The following PKHD1 variants were observed in gnomAD, a reference collection of about 807,000 sequenced individuals.
PKHD1 encodes fibrocystin.
In PKHD1, 291 loss-of-function variants were observed where a neutral mutation model predicts 412.0. That is an observed-to-expected ratio of 0.71 (90% CI 0.64 to 0.78). The LOEUF is 0.78. Ranked by LOEUF, PKHD1 falls within the 30% of genes least tolerant of loss-of-function variation. The probability of loss-of-function intolerance (pLI) is 0.00; values close to 1 mark genes in which losing one functional copy is unlikely to be tolerated. For missense variants in PKHD1, 4,825 were observed against 4,950.7 expected (o/e 0.97, Z 0.76); for synonymous variants, 1,777 against 1,821.5 (o/e 0.98, Z 0.62).
chr6:51,982,182 A>AGGCGGGG (rs2077457773), intron 35 of PKHD1, among the ~76,000 whole-genome samples: 1 of 27,160 alleles, frequency 3.7e-5, no homozygotes, highest in African/African-American at 1.3e-4. Context: ...TCCGGGAGGG[A>AGGCGGGG]GGTGGGGGGG....
intron 31 of PKHD1, among the ~76,000 whole-genome samples, chr6:52,027,259 C>T (rs1026393768): frequency 2.0e-5 from 3 of 149,408 alleles, no homozygotes; most frequent in South Asian, 2.1e-4. Context: ...CGGCTGGGCA[C>T]GGTGGCTCAT....
intron 60 of PKHD1, among the ~76,000 whole-genome samples, chr6:51,732,504 C>CA (rs1783350552): frequency 6.6e-6 from 1 of 152,042 alleles, no homozygotes; most frequent in Non-Finnish European, 1.5e-5. Flanking sequence ...GACATTTCTC[C>CA]AAAAAAGATA....
At chr6:52,070,890 T>C in intron 9 of PKHD1, 116 bp downstream of exon 9, 2 of 732,238 alleles carry the variant, frequency 2.7e-6, no homozygotes, top group Admixed American at 2.0e-5. Context: ...TCTTAACAAA[T>C]AGTAATTATT....
chr6:51,692,307 ATTTGGTG>A (rs1324661672), intron 60 of PKHD1, among the ~76,000 whole-genome samples: 2 of 146,390 alleles, frequency 1.4e-5, no homozygotes, highest in African/African-American at 5.0e-5. Flanking sequence ...GTTCTGTGTC[ATTTGGTG>A]CTATCACAAA....
rs142337340 is a variant in PKHD1, at chr6:51,726,538, C to T, written c.10156+17847G>A. 7.1e-3 allele frequency among the ~76,000 whole-genome samples: 1,085 copies of T among 152,256 alleles called. 6 individuals carry two copies. Among genetic ancestry groups the T allele is most frequent in the Non-Finnish European group, 0.011 (742 of 68,026 alleles). ...TACCCCACATGAACTGACCTCTGTT[C>T]CCTCTAAGTTCCCATTACCGCTTCA... On this transcript the variant is annotated intron_variant, in intron 60 of 66. Transcript: ENST00000371117.
chr6:52,027,833 C>T lies in PKHD1; in HGVS notation c.3624G>A (p.Leu1208=). Residue 1208 remains leucine (L), a synonymous_variant, in exon 31 of 67, where the codon CTG becomes CTA. Coordinates refer to ENST00000371117, the MANE Select transcript of PKHD1 (RefSeq NM_138694.4). ...VFSIEPCCGS[L]LGGTILSISG... ...AGTCACATAAGAGCCACTCACCCAGCAGGGACCCACAGCAAGGCTCGATGC... is the reference window on the plus strand; with the variant it reads ...AGTCACATAAGAGCCACTCACCCAGTAGGGACCCACAGCAAGGCTCGATGC... 1 of 1,608,926 alleles carries T rather than the reference C, an allele frequency of 6.2e-7. No homozygotes were observed. The highest frequency in any genetic ancestry group is 8.5e-7 in the Non-Finnish European group (1 of 1,175,310).
intron 13 of PKHD1, among the ~76,000 whole-genome samples, chr6:52,064,293 T>C (rs915423836): frequency 2.6e-5 from 4 of 152,228 alleles, no homozygotes; most frequent in Non-Finnish European, 5.9e-5. Context: ...CTGACTACAC[T>C]TGAGCCTTCA....
intron 36 of PKHD1, among the ~76,000 whole-genome samples, chr6:51,945,229 G>A (rs1789273513): frequency 6.6e-6 from 1 of 152,172 alleles, no homozygotes; most frequent in African/African-American, 2.4e-5. Flanking sequence ...TGTATGACAG[G>A]ACTGCCGCAT....
intron 13 of PKHD1, among the ~76,000 whole-genome samples, chr6:52,064,713 C>T (rs1809238943): frequency 6.6e-6 from 1 of 151,746 alleles, no homozygotes; most frequent in African/African-American, 2.4e-5. Context: ...ACCATGGTCT[C>T]TTCTGGACGC....
intron 37 of PKHD1, among the ~76,000 whole-genome samples, chr6:51,927,716 G>A (rs1025971640): frequency 3.9e-5 from 6 of 152,192 alleles, no homozygotes; most frequent in Admixed American, 3.9e-4. Flanking sequence ...GCTTATCTAA[G>A]CAGGGGAAAC....
chr6:51,807,156 G>A (rs2151370352), intron 52 of PKHD1, among the ~76,000 whole-genome samples: 1 of 151,808 alleles, frequency 6.6e-6, no homozygotes, highest in Non-Finnish European at 1.5e-5. Flanking sequence ...GGCCAGGCAT[G>A]GTGACTCATG....
At chr6:51,733,086 G>A in intron 60 of PKHD1, among the ~76,000 whole-genome samples, 1 of 152,206 alleles carries the variant, frequency 6.6e-6, no homozygotes. Flanking sequence ...AGAGTGGAAT[G>A]TTGGTTTTCA....
rs10671492 is a variant in PKHD1, at chr6:51,976,944, T to TAAAAAAAAA, written c.5752-16927_5752-16919dup. Among the ~76,000 whole-genome samples the TAAAAAAAAA allele has an allele frequency of 4.4e-4, 41 of 93,510 alleles. 1 individual carries two copies. Among genetic ancestry groups the TAAAAAAAAA allele is most frequent in the Non-Finnish European group, 5.5e-4 (28 of 51,034 alleles). The allele number at this position is 93,510 out of a possible 152,430, so 61.3% of individuals were successfully genotyped here. On this transcript the variant is annotated intron_variant, in intron 35 of 66. Coordinates refer to ENST00000371117, the MANE Select transcript of PKHD1 (RefSeq NM_138694.4). ...GCCTGGGTGATAGAGTGAGACTCCATAAAAAAAAAAAAAAAAAAAACCTGA... is the reference window on the plus strand; with the variant it reads ...GCCTGGGTGATAGAGTGAGACTCCATAAAAAAAAAAAAAAAAAAAAAAAAAAAAACCTGA...
chr6:51,844,766 C>T (rs947592881), intron 50 of PKHD1, among the ~76,000 whole-genome samples: 9 of 152,066 alleles, frequency 5.9e-5, no homozygotes, highest in African/African-American at 2.2e-4. Context: ...AAAATTCAGC[C>T]AGTTGTCAGT....
intron 52 of PKHD1, among the ~76,000 whole-genome samples, chr6:51,810,599 T>G (rs1457774616): frequency 6.6e-6 from 1 of 152,170 alleles, no homozygotes; most frequent in Non-Finnish European, 1.5e-5. Flanking sequence ...TCTGCCCCAC[T>G]GCCCTAGAAA....
chr6:51,744,659 A>C (rs1784971635), intron 59 of PKHD1, 117 bp from the exon 60 acceptor site: 4 of 765,774 alleles, frequency 5.2e-6, no homozygotes, highest in African/African-American at 3.5e-5. Flanking sequence ...ATTATTGACA[A>C]TGTGTTACAT....
At position 51,998,186 on chromosome 6, in the gene PKHD1, G is replaced by A. The variant is rs139850358; in HGVS notation, c.5751+12123C>T. The stretch of plus-strand genomic sequence containing the variant: ...CAACTGTCCCCCATATGTTGAGGAC[G>A]TATGTTCAGCCCACACTCTGGGCTA... On this transcript the variant is annotated intron_variant, in intron 35 of 66. Transcript: ENST00000371117. 1.1e-3 allele frequency among the ~76,000 whole-genome samples: 171 copies of A among 151,914 alleles called. 1 individual carries two copies. Among genetic ancestry groups the A allele is most frequent in the South Asian group, 4.2e-4 (2 of 4,802 alleles).
intron 60 of PKHD1, among the ~76,000 whole-genome samples, chr6:51,698,457 G>C (rs1032124421): frequency 6.6e-6 from 1 of 152,032 alleles, no homozygotes; most frequent in Non-Finnish European, 1.5e-5. Flanking sequence ...TGAAACACTG[G>C]TCTAATGCTT....
intron 52 of PKHD1, among the ~76,000 whole-genome samples, chr6:51,801,445 G>C (rs1303772569): frequency 6.6e-6 from 1 of 152,114 alleles, no homozygotes; most frequent in Non-Finnish European, 1.5e-5. Flanking sequence ...TTTCAAAGAA[G>C]TGCTAGCTTT....
Sources: allele counts gnomAD v4.1 joint callset (sites outside exome capture counted in the v4.1 genomes callset), GRCh38; gene constraint gnomAD v4.1.1; transcripts MANE v1.5; gene names NCBI Gene and HGNC (gene_info 2026-07-23, HGNC 2026-07-21).